C2CD3: variants seen among roughly 807,000 people sequenced by gnomAD.
C2CD3 encodes the protein C2 domain containing 3 centriole elongation regulator.
A neutral mutation model predicts 234.0 loss-of-function variants in C2CD3; 148 were observed. The ratio of observed to expected loss-of-function variants is 0.63; its 90% confidence interval spans 0.55 to 0.72. C2CD3 has a LOEUF of 0.72. C2CD3 is among the 30% of genes least tolerant of loss of function. The probability of loss-of-function intolerance (pLI) is 0.00; values close to 1 mark genes in which losing one functional copy is unlikely to be tolerated. For missense variants in C2CD3, 2,577 were observed against 2,811.5 expected (o/e 0.92, Z 1.89); for synonymous variants, 1,000 against 1,035.4 (o/e 0.97, Z 0.66).
chr11:74,092,886 AG>A (rs1042643800), intron 18 of C2CD3, among the ~76,000 whole-genome samples: 26 of 152,182 alleles, frequency 1.7e-4, no homozygotes, highest in African/African-American at 6.3e-4. Context: ...CAGCAGCAAA[AG>A]TGGTTCAAAG....
At chr11:74,170,654 C>T in intron 1 of C2CD3, 84 bp downstream of exon 1, 1 of 1,490,400 alleles carries the variant, frequency 6.7e-7, no homozygotes, top group Non-Finnish European at 9.3e-7. Flanking sequence ...TCTTGTTTAT[C>T]CAGCGGGGGT....
chr11:74,140,751 A>G (rs542935310), intron 3 of C2CD3, among the ~76,000 whole-genome samples: 24 of 152,250 alleles, frequency 1.6e-4, no homozygotes, highest in African/African-American at 5.8e-4. Flanking sequence ...AGGACATAAC[A>G]TTTTCTGCAT....
In C2CD3 at chr11:74,106,361, A is replaced by T. The variant is rs768749609; in HGVS notation, c.2085+10T>A. ...AATACTTCTGACTTCCTGAATGTAT[A>T]TCTACATACCTTGAGGGGGCCAAAT... On this transcript the variant is annotated intron_variant, in intron 13 of 32. Coordinates refer to ENST00000334126, the MANE Select transcript of C2CD3 (RefSeq NM_001286577.2). 6.2e-6 allele frequency: 10 copies of T among 1,613,606 alleles called. No homozygotes were observed. The South Asian group carries it at 7.7e-5, about 12-fold the overall frequency.
chr11:74,147,516 T>C (rs1451052415), intron 3 of C2CD3, among the ~76,000 whole-genome samples: 1 of 152,212 alleles, frequency 6.6e-6, no homozygotes, highest in Non-Finnish European at 1.5e-5. Context: ...GGTGACTTAG[T>C]ATGAGTTATG....
At chr11:74,057,728 T>C (rs1299392409) in intron 24 of C2CD3, among the ~76,000 whole-genome samples, 184 bp from the exon 25 acceptor site, 2 of 152,058 alleles carry the variant, frequency 1.3e-5, no homozygotes, top group Non-Finnish European at 2.9e-5. Context: ...CCCAGCACGT[T>C]GGGAGACCAA....
rs1032116077 is a variant in C2CD3 at position 74,132,992 on chromosome 11, T to C, written c.1089-20A>G. ...CTGATCCTAAGGTGTGGAAAAATACTTTCTCACTGAGTGGCTAACAGATGG... is the reference window on the plus strand; with the variant it reads ...CTGATCCTAAGGTGTGGAAAAATACCTTCTCACTGAGTGGCTAACAGATGG... On this transcript the variant is annotated intron_variant, in intron 6 of 32. Coordinates refer to ENST00000334126, the MANE Select transcript of C2CD3 (RefSeq NM_001286577.2). 3.1e-6 allele frequency: 5 copies of C among 1,611,950 alleles called. No homozygotes were observed. The highest frequency in any genetic ancestry group is 1.3e-5 in the African/African-American group (1 of 74,872).
chr11:74,135,170 A>T (rs1426114211), intron 5 of C2CD3, among the ~76,000 whole-genome samples: 1 of 150,872 alleles, frequency 6.6e-6, no homozygotes, highest in Non-Finnish European at 1.5e-5. Context: ...GGCTACCCCA[A>T]GATCCCCATT....
chr11:74,092,094 C>T (rs949911474), intron 19 of C2CD3, among the ~76,000 whole-genome samples: 4 of 150,714 alleles, frequency 2.7e-5, no homozygotes, highest in African/African-American at 9.8e-5. Context: ...CTTTTGTTGC[C>T]CAGGCTGGAG....
chr11:74,062,576 T>G (rs1434988437), intron 24 of C2CD3, among the ~76,000 whole-genome samples: 1 of 151,920 alleles, frequency 6.6e-6, no homozygotes, highest in African/African-American at 2.4e-5. Flanking sequence ...TTGAAACCAA[T>G]GAGAACAAAG....
chr11:74,137,672 C>T (rs1050414088), intron 5 of C2CD3, among the ~76,000 whole-genome samples: 2 of 151,728 alleles, frequency 1.3e-5, no homozygotes, highest in Non-Finnish European at 2.9e-5. Flanking sequence ...GCAACCTCTG[C>T]CTCCTGAGTT....
chr11:74,037,444 A>G, intron 30 of C2CD3, 34 bp downstream of exon 30: 2 of 1,535,924 alleles, frequency 1.3e-6, no homozygotes, highest in Non-Finnish European at 9.0e-7. Context: ...CCTAGTGACC[A>G]TAACATCTCA....
At chr11:74,115,102 T>C (rs942579220) in intron 9 of C2CD3, among the ~76,000 whole-genome samples, 1 of 151,426 alleles carries the variant, frequency 6.6e-6, no homozygotes, top group African/African-American at 2.4e-5. Context: ...AAAAAAAAAA[T>C]ATAATCTAAA....
chr11:74,096,292 A>T (rs1956105220), intron 16 of C2CD3, among the ~76,000 whole-genome samples: 1 of 152,226 alleles, frequency 6.6e-6, no homozygotes, highest in South Asian at 2.1e-4. Flanking sequence ...GGAATTCAGC[A>T]TTCAGAAAAG....
In C2CD3 at chr11:74,074,386, A is replaced by AGACTTCTGGTGGCAGGAGAT; in HGVS notation, c.4798_4817dup (p.Pro1607SerfsTer24). The AGACTTCTGGTGGCAGGAGAT allele has an allele frequency of 6.2e-7, 1 of 1,614,198 alleles. No homozygotes were observed. Among genetic ancestry groups the AGACTTCTGGTGGCAGGAGAT allele is most frequent in the Non-Finnish European group, 8.5e-7 (1 of 1,180,040 alleles). ...TGCAGGGGACCTGGGTGGAGGCAGG[A>AGACTTCTGGTGGCAGGAGAT]GACTTCTGGTGGCAGGAGATGACTT... is the stretch of plus-strand genomic sequence containing the variant. On this transcript the variant is annotated frameshift_variant, in exon 24 of 33. Coordinates refer to ENST00000334126, the MANE Select transcript of C2CD3 (RefSeq NM_001286577.2). LOFTEE classifies it high-confidence loss of function.
At chr11:74,105,613 C>T (rs370212133) in intron 13 of C2CD3, among the ~76,000 whole-genome samples, 30 of 152,258 alleles carry the variant, frequency 2.0e-4, no homozygotes, top group African/African-American at 5.3e-4. Flanking sequence ...TGAAGCCACA[C>T]GCTCAGATTC....
At chr11:74,084,372 C>T (rs1339964860) in intron 22 of C2CD3, among the ~76,000 whole-genome samples, 5 of 150,526 alleles carry the variant, frequency 3.3e-5, no homozygotes, top group Non-Finnish European at 7.4e-5. Context: ...CCATGGCACA[C>T]GTATCCCTAT....
chr11:74,114,303 G>A (rs1454848465), intron 10 of C2CD3, 81 bp downstream of exon 10: 13 of 911,306 alleles, frequency 1.4e-5, no homozygotes, highest in Non-Finnish European at 2.1e-5. Flanking sequence ...CCAAATCACA[G>A]TATTATGCAA....
chr11:74,102,600 C>T (rs1956356698), intron 14 of C2CD3, among the ~76,000 whole-genome samples: 1 of 152,082 alleles, frequency 6.6e-6, no homozygotes, highest in African/African-American at 2.4e-5. Context: ...ACTGGGGTTA[C>T]CACCCTTTTC....
intron 30 of C2CD3, 95 bp from the exon 31 acceptor site, chr11:74,034,373 A>G (rs1952637875): frequency 1.3e-6 from 2 of 1,482,152 alleles, no homozygotes; most frequent in Non-Finnish European, 1.8e-6. Context: ...CACTATGGCA[A>G]TCAGACTCTG....
Sources: gnomAD v4.1 joint callset for allele counts (sites outside exome capture counted in the v4.1 genomes callset) on GRCh38, gnomAD v4.1.1 for gene constraint, MANE v1.5 for transcripts, NCBI Gene and HGNC (gene_info 2026-07-23, HGNC 2026-07-21) for gene names.